CYB5A: variants seen among roughly 807,000 people sequenced by gnomAD.
The protein encoded by CYB5A is cytochrome b5 type A.
CYB5A carries 10 observed loss-of-function variants against 16.2 expected under a neutral mutation model. That is an observed-to-expected ratio of 0.62 (90% CI 0.38 to 1.04). The LOEUF (loss-of-function observed/expected upper bound fraction) is 1.04. CYB5A is among the 50% of genes least tolerant of loss of function. The pLI, the probability that CYB5A is intolerant of heterozygous loss-of-function variation, is 0.01. For missense variants in CYB5A, 161 were observed against 165.9 expected (o/e 0.97, Z 0.16); for synonymous variants, 62 against 57.0 (o/e 1.09, Z -0.40).
chr18:74,274,445 T>C (rs1212541389), intron 1 of CYB5A, among the ~76,000 whole-genome samples: 2 of 152,246 alleles, frequency 1.3e-5, no homozygotes, highest in Non-Finnish European at 1.5e-5. Context: ...TTGATGCTAC[T>C]TGATACAGAT....
intron 1 of CYB5A, among the ~76,000 whole-genome samples, chr18:74,282,921 GT>G (rs1044993689): frequency 1.1e-4 from 16 of 152,104 alleles, no homozygotes; most frequent in African/African-American, 3.1e-4. Flanking sequence ...AAAAGATCAA[GT>G]TTTTTTTGTG....
intron 3 of CYB5A, chr18:74,256,791 C>T: frequency 1.2e-6 from 2 of 1,603,468 alleles, no homozygotes; most frequent in Non-Finnish European, 1.7e-6. Flanking sequence ...AGACCCCTTT[C>T]AGGGAAAAGC....
intron 1 of CYB5A, among the ~76,000 whole-genome samples, chr18:74,280,455 G>A (rs1465440062): frequency 1.3e-5 from 2 of 151,420 alleles, no homozygotes; most frequent in Admixed American, 1.3e-4. Context: ...GTGCACACCT[G>A]TAGTCCTCGC....
In CYB5A at chr18:74,253,415, G is replaced by C; in HGVS notation, c.*169C>G. ...GGCACACTCGAAAAATTTGAGCGCA[G>C]AAAGGACAGTTCTTTTTGTTTTGTT... On this transcript the variant is annotated 3_prime_UTR_variant, in exon 5 of 5. Coordinates refer to ENST00000340533, the MANE Select transcript of CYB5A (RefSeq NM_148923.4). The C allele has an allele frequency of 1.8e-6, 1 of 561,332 alleles. No individual in the cohort carries two copies. Among genetic ancestry groups the C allele is most frequent in the Non-Finnish European group, 3.2e-6 (1 of 308,570 alleles). The allele number at this position is 561,332 out of a possible 1,614,324, so 34.8% of individuals were successfully genotyped here.
chr18:74,288,860 GACGGCAAATGGAAAA>G (rs2145089318), intron 1 of CYB5A, among the ~76,000 whole-genome samples: 1 of 152,300 alleles, frequency 6.6e-6, no homozygotes, highest in East Asian at 1.9e-4. Flanking sequence ...AAATAATAAA[GACGGCAAATGGAAAA>G]ACACGTCCAT....
intron 1 of CYB5A, among the ~76,000 whole-genome samples, chr18:74,282,369 G>A (rs935207814): frequency 1.3e-5 from 2 of 152,078 alleles, no homozygotes; most frequent in African/African-American, 4.8e-5. Context: ...GGGCCACAGA[G>A]TAAGAAGGGA....
rs533246772 is a variant in CYB5A, at chr18:74,252,725, A to C, written c.*859T>G. On this transcript the variant is annotated 3_prime_UTR_variant, in exon 5 of 5. Coordinates refer to ENST00000340533, the MANE Select transcript of CYB5A (RefSeq NM_148923.4). ...TAGGCTACTTTCTTTTTTTTTTGAG[A>C]CAGAGTTTCACTCTTGTTGCCCAGC... 6.6e-6 allele frequency: 1 copy of C among 151,604 alleles called. No homozygotes were observed. Among genetic ancestry groups the C allele is most frequent in the Non-Finnish European group, 1.5e-5 (1 of 67,964 alleles). The allele number at this position is 151,604 out of a possible 1,614,324, so 9.4% of individuals were successfully genotyped here.
intron 4 of CYB5A, among the ~76,000 whole-genome samples, chr18:74,253,923 A>C (rs1373132892): frequency 1.3e-5 from 2 of 152,218 alleles, no homozygotes; most frequent in East Asian, 3.8e-4. Context: ...TCACGCCTGT[A>C]ATCCCAGCAC....
chr18:74,266,380 G>C (rs1449302888), intron 1 of CYB5A, among the ~76,000 whole-genome samples: 1 of 152,222 alleles, frequency 6.6e-6, no homozygotes, highest in East Asian at 1.9e-4. Flanking sequence ...CGTAACTTTT[G>C]ATTCCTGTTA....
chr18:74,290,992 G>C (rs894615950), intron 1 of CYB5A: 1 of 154,024 alleles, frequency 6.5e-6, no homozygotes, highest in Non-Finnish European at 1.4e-5. Flanking sequence ...AGTCAAGCAC[G>C]GCACCTGGCT....
In CYB5A at chr18:74,255,790, G is replaced by A. The variant is rs759715012; in HGVS notation, c.289-15C>T. On this transcript the variant is annotated splice_polypyrimidine_tract_variant and intron_variant, in intron 3 of 4. Transcript: ENST00000340533. ...ATAAGAGTTTCCTGAAACACGAGAG[G>A]AAAAAGTAAAGTAAGTTCAAGGGAA... The A allele has an allele frequency of 8.1e-6, 13 of 1,602,078 alleles. No homozygotes were observed. The highest frequency in any genetic ancestry group is 2.6e-6 in the Non-Finnish European group (3 of 1,169,284).
At chr18:74,265,565 G>A (rs1334137265) in intron 1 of CYB5A, among the ~76,000 whole-genome samples, 1 of 152,210 alleles carries the variant, frequency 6.6e-6, no homozygotes, top group Non-Finnish European at 1.5e-5. Context: ...ACACTTTCCA[G>A]TGTCTCTATG....
chr18:74,254,219 C>G (rs1210895165), intron 4 of CYB5A, among the ~76,000 whole-genome samples: 1 of 151,978 alleles, frequency 6.6e-6, no homozygotes, highest in East Asian at 1.9e-4. Context: ...AAAATGAATG[C>G]CCCACCAGCT....
At chr18:74,276,754 C>T (rs1479332250) in intron 1 of CYB5A, among the ~76,000 whole-genome samples, 1 of 152,148 alleles carries the variant, frequency 6.6e-6, no homozygotes, top group African/African-American at 2.4e-5. Context: ...CACCAGGTCT[C>T]CTAACCACTG....
At chr18:74,255,299 C>T (rs1328193406) in intron 4 of CYB5A, among the ~76,000 whole-genome samples, 1 of 152,146 alleles carries the variant, frequency 6.6e-6, no homozygotes. Context: ...TCGTGCTACA[C>T]ATAGATTACC....
chr18:74,288,813 A>G (rs896209317), intron 1 of CYB5A, among the ~76,000 whole-genome samples: 9 of 152,226 alleles, frequency 5.9e-5, no homozygotes, highest in Admixed American at 5.2e-4. Flanking sequence ...TGACCAGGAC[A>G]TGCAATAAGC....
In CYB5A at chr18:74,253,350, C is replaced by T. The variant is rs1459026572; in HGVS notation, c.*234G>A. ...GATCATGCTTATAATAAGTAAATTACACATTAAGGAAACATCAAAATAAAG... is the reference window on the plus strand; with the variant it reads ...GATCATGCTTATAATAAGTAAATTATACATTAAGGAAACATCAAAATAAAG... On this transcript the variant is annotated 3_prime_UTR_variant, in exon 5 of 5. Transcript: ENST00000340533. 1 of 434,402 alleles carries T rather than the reference C, an allele frequency of 2.3e-6. No homozygotes were observed. Among genetic ancestry groups the T allele is most frequent in the Non-Finnish European group, 4.3e-6 (1 of 233,398 alleles). 26.9% of individuals were successfully genotyped at this position (434,402 alleles called of 1,614,324 possible).
chr18:74,256,876 G>C, intron 3 of CYB5A: 3 of 1,612,120 alleles, frequency 1.9e-6, no homozygotes, highest in Non-Finnish European at 2.5e-6. Context: ...GGGAAAAAAG[G>C]TAAGTCATTT....
intron 1 of CYB5A, among the ~76,000 whole-genome samples, chr18:74,287,343 G>A (rs998829589): frequency 6.6e-6 from 1 of 152,192 alleles, no homozygotes; most frequent in African/African-American, 2.4e-5. Context: ...CAAGGGTAAA[G>A]ATACGTGTTC....
Sources: allele counts gnomAD v4.1 joint callset (sites outside exome capture counted in the v4.1 genomes callset), GRCh38; gene constraint gnomAD v4.1.1; transcripts MANE v1.5; gene names NCBI Gene and HGNC (gene_info 2026-07-23, HGNC 2026-07-21).